Variants in MYLK observed in about 807,000 individuals in gnomAD.
The protein encoded by MYLK is myosin light chain kinase.
MYLK carries 106 observed loss-of-function variants against 203.4 expected under a neutral mutation model. The observed-to-expected ratio is 0.52, with a 90% CI of 0.45 to 0.61. MYLK has a LOEUF of 0.61. MYLK is among the 20% of genes least tolerant of loss of function. The probability of loss-of-function intolerance (pLI) is 0.00; values close to 1 mark genes in which losing one functional copy is unlikely to be tolerated. For synonymous variants in MYLK, 867 were observed against 959.5 expected (o/e 0.90, Z 1.78); for missense variants, 2,072 against 2,442.3 (o/e 0.85, Z 3.20).
chr3:123,825,053 G>A (rs878892283), intron 3 of MYLK, among the ~76,000 whole-genome samples: 1 of 151,616 alleles, frequency 6.6e-6, no homozygotes, highest in Admixed American at 6.6e-5. Flanking sequence ...GCTGAGGCAG[G>A]AGGATTGTTT....
chr3:123,824,455 G>A (rs751680387), intron 3 of MYLK, among the ~76,000 whole-genome samples: 1 of 152,108 alleles, frequency 6.6e-6, no homozygotes, highest in Non-Finnish European at 1.5e-5. Flanking sequence ...TGAAAATTAC[G>A]TGAGAGCAGG....
intron 3 of MYLK, among the ~76,000 whole-genome samples, chr3:123,817,956 G>A (rs1239265833): frequency 1.3e-5 from 2 of 152,156 alleles, no homozygotes; most frequent in Non-Finnish European, 2.9e-5. Context: ...AGCTCTCTTA[G>A]GAAAGGTCTA....
chr3:123,847,363 C>G (rs2030148769), intron 2 of MYLK, among the ~76,000 whole-genome samples: 1 of 152,098 alleles, frequency 6.6e-6, no homozygotes, highest in African/African-American at 2.4e-5. Context: ...TATTGGTATG[C>G]AAGTAAGAAC....
In MYLK at chr3:123,803,393, G is replaced by A. The variant is rs115134675; in HGVS notation, c.-3-9549C>T. ...CAAAGTAGGTGCACAGGAGAAATCC[G>A]GATGGCACTGGAGGGTGAGATAGCA... On this transcript the variant is annotated intron_variant, in intron 3 of 33. Coordinates refer to ENST00000360304, the MANE Select transcript of MYLK (RefSeq NM_053025.4). Among the ~76,000 whole-genome samples the A allele has an allele frequency of 3.3e-3, 508 of 152,302 alleles. 2 individuals are homozygous for A. Among genetic ancestry groups the A allele is most frequent in the African/African-American group, 0.011 (461 of 41,556 alleles).
At chr3:123,779,631 T>C (rs2064216314) in intron 4 of MYLK, among the ~76,000 whole-genome samples, 1 of 152,196 alleles carries the variant, frequency 6.6e-6, no homozygotes, top group Admixed American at 6.5e-5. Flanking sequence ...CTGCAATTCT[T>C]AGAGGAGTTG....
chr3:123,718,018 C>T (rs143620807), intron 13 of MYLK, among the ~76,000 whole-genome samples: 1,909 of 152,186 alleles, frequency 0.013, 65 homozygotes, highest in South Asian at 0.1. Flanking sequence ...TGGGCCACCA[C>T]TCCCGGCTAA....
chr3:123,708,948 T>C, intron 14 of MYLK, 53 bp from the exon 15 acceptor site: 2 of 1,514,728 alleles, frequency 1.3e-6, no homozygotes, highest in East Asian at 2.3e-5. Flanking sequence ...TCCCCGGCCA[T>C]GCAGCAACTC....
intron 13 of MYLK, among the ~76,000 whole-genome samples, chr3:123,715,022 A>G (rs1375165960): frequency 2.6e-5 from 4 of 152,184 alleles, no homozygotes; most frequent in Non-Finnish European, 4.4e-5. Flanking sequence ...AATGTGAGGA[A>G]GAGAGAGGGG....
intron 4 of MYLK, among the ~76,000 whole-genome samples, chr3:123,785,377 G>T (rs909309467): frequency 2.0e-5 from 3 of 152,160 alleles, no homozygotes; most frequent in Non-Finnish European, 2.9e-5. Context: ...TCATACTGCT[G>T]CTTTCCCTTT....
At chr3:123,708,189 A>G (rs1490874135) in intron 15 of MYLK, among the ~76,000 whole-genome samples, 186 bp from the exon 16 acceptor site, 2 of 152,176 alleles carry the variant, frequency 1.3e-5, no homozygotes, top group Non-Finnish European at 2.9e-5. Flanking sequence ...TCTCGGATAC[A>G]TTCTCAGAGG....
chr3:123,751,107 G>C (rs1003766355), intron 5 of MYLK, among the ~76,000 whole-genome samples: 1 of 152,196 alleles, frequency 6.6e-6, no homozygotes, highest in Non-Finnish European at 1.5e-5. Context: ...ACAGTCTTCT[G>C]AAAGAGGAGA....
intron 3 of MYLK, among the ~76,000 whole-genome samples, chr3:123,824,789 A>G (rs1189355484): frequency 2.0e-5 from 3 of 152,240 alleles, no homozygotes; most frequent in African/African-American, 7.2e-5. Flanking sequence ...AATTTGATAT[A>G]TATATCATAA....
Position 123,629,885 on chromosome 3 carries a change from G to A in MYLK, c.4962-259C>T. 1 of 520,066 alleles carries A rather than the reference G, an allele frequency of 1.9e-6. No homozygotes were observed. The highest frequency in any genetic ancestry group is 3.5e-6 in the Non-Finnish European group (1 of 286,718). The allele number at this position is 520,066 out of a possible 1,614,324, so 32.2% of individuals were successfully genotyped here. On this transcript the variant is annotated intron_variant, in intron 29 of 33. Transcript: ENST00000360304. This position sits in a 1 kb window ranked among gnomAD's most constrained non-coding sequence, Gnocchi z 4.4. Reference sequence around the variant, plus strand: ...TGCAGCAGGTTGGCTTTAGATTACGGGCTTCTGCAGGGTACGCGGCAGGGC... The same window carrying A: ...TGCAGCAGGTTGGCTTTAGATTACGAGCTTCTGCAGGGTACGCGGCAGGGC...
chr3:123,873,000 T>A (rs2032903472), intron 2 of MYLK, among the ~76,000 whole-genome samples: 2 of 152,140 alleles, frequency 1.3e-5, no homozygotes, highest in African/African-American at 4.8e-5. Flanking sequence ...CTCACCAGCA[T>A]AAACTCAGGT....
chr3:123,706,022 C>T (rs1440334844), intron 16 of MYLK, among the ~76,000 whole-genome samples: 1 of 152,094 alleles, frequency 6.6e-6, no homozygotes, highest in Non-Finnish European at 1.5e-5. Flanking sequence ...ATAACTAGTT[C>T]AAGCATAATG....
At chr3:123,709,675 A>G in intron 14 of MYLK, 81 bp downstream of exon 14, 1 of 1,575,738 alleles carries the variant, frequency 6.3e-7, no homozygotes, top group Non-Finnish European at 8.7e-7. Context: ...CAAGGATCTG[A>G]GCGGGTCCTC....
chr3:123,787,044 CAG>C (rs1339165823), intron 4 of MYLK, among the ~76,000 whole-genome samples: 1 of 152,132 alleles, frequency 6.6e-6, no homozygotes, highest in African/African-American at 2.4e-5. Flanking sequence ...GTTATAGGCA[CAG>C]AGATTATTAG....
Position 123,863,352 on chromosome 3 carries a change from A to G in MYLK, c.-127+13207T>C, listed in dbSNP as rs367588114. The stretch of plus-strand genomic sequence containing the variant: ...GGTAAAAGTTTCTTTGGACACAGAA[A>G]AAAAAATAGCCTTGCCAAAAAAAAA... On this transcript the variant is annotated intron_variant, in intron 2 of 33. Transcript: ENST00000360304. Among the ~76,000 whole-genome samples the G allele has an allele frequency of 4.9e-4, 75 of 151,726 alleles. 1 individual carries two copies. In the South Asian group the frequency reaches 8.1e-3, roughly 16 times the overall value.
In MYLK at chr3:123,784,376, C is replaced by CTTT. The variant is rs576849217; in HGVS notation, c.165+9298_165+9300dup. ...CAAATACGGCTCATGGGTTGACTTTCTTTTTTTTTTTTTTTTTTTTTTTTT... is the reference window on the plus strand; with the variant it reads ...CAAATACGGCTCATGGGTTGACTTTCTTTTTTTTTTTTTTTTTTTTTTTTTTTT... On this transcript the variant is annotated intron_variant, in intron 4 of 33. Coordinates refer to ENST00000360304, the MANE Select transcript of MYLK (RefSeq NM_053025.4). Among the ~76,000 whole-genome samples the CTTT allele has an allele frequency of 1.8e-3, 141 of 78,692 alleles. 30 individuals carry two copies. In the East Asian group the frequency reaches 0.046, roughly 25 times the overall value. The allele number at this position is 78,692 out of a possible 152,430, so 51.6% of individuals were successfully genotyped here. A position where few individuals can be genotyped will look rare whatever the true frequency, so the allele number is the denominator to read the frequency against.
Sources: gnomAD v4.1 joint callset for allele counts (sites outside exome capture counted in the v4.1 genomes callset) on GRCh38, gnomAD v4.1.1 for gene constraint, Gnocchi (gnomAD v3.1) non-coding constraint, MANE v1.5 for transcripts, NCBI Gene and HGNC (gene_info 2026-07-23, HGNC 2026-07-21) for gene names.